APLF: variants seen among roughly 807,000 people sequenced by gnomAD.
The protein encoded by APLF is aprataxin and PNKP like factor, also known as aprataxin and PNK-like factor.
Under a neutral mutation model 55.6 loss-of-function variants are expected in APLF, and 61 were observed. That is an observed-to-expected ratio of 1.10 (90% confidence interval 0.89 to 1.36). The LOEUF (loss-of-function observed/expected upper bound fraction) is 1.36, where lower values mean the gene tolerates loss of function less well. APLF is among the 40% of genes most tolerant of loss of function. The pLI is 0.00. For missense variants in APLF, 611 were observed against 602.5 expected, an observed-to-expected ratio of 1.01 and a Z score of -0.15; for synonymous variants, 207 against 214.8, an observed-to-expected ratio of 0.96 and a Z score of 0.32.
chr2:68,485,216 TC>T (rs1275027432), intron 1 of APLF, among the ~76,000 whole-genome samples: 1 of 152,150 alleles, frequency 6.6e-6, no homozygotes, highest in Non-Finnish European at 1.5e-5. Flanking sequence ...AAAATCAGGA[TC>T]CAGTTAAATT....
At chr2:68,550,852 C>T (rs1670840204) in intron 8 of APLF, among the ~76,000 whole-genome samples, 1 of 152,040 alleles carries the variant, frequency 6.6e-6, no homozygotes, top group Non-Finnish European at 1.5e-5. Flanking sequence ...ATAGTTATAC[C>T]TCTGTACATT....
intron 8 of APLF, among the ~76,000 whole-genome samples, chr2:68,559,059 T>C (rs946965893): frequency 1.7e-4 from 26 of 152,220 alleles, no homozygotes; most frequent in African/African-American, 6.3e-4. Context: ...TAAAGTGTTT[T>C]TAAATTAGCA....
intron 6 of APLF, among the ~76,000 whole-genome samples, chr2:68,532,368 A>G (rs1670282015): frequency 6.6e-6 from 1 of 152,216 alleles, no homozygotes; most frequent in Non-Finnish European, 1.5e-5. Context: ...AAAATCACTT[A>G]TGCCCAACTA....
chr2:68,573,735 C>CATTTAT (rs1671546591), intron 9 of APLF, among the ~76,000 whole-genome samples: 1 of 150,560 alleles, frequency 6.6e-6, no homozygotes, highest in Admixed American at 6.6e-5. Context: ...GTCATGAGTT[C>CATTTAT]ATTTATAACA....
rs70954311 is a variant in APLF at position 68,551,603 on chromosome 2, CT to C, written c.1286+6308del. 6.0e-3 allele frequency among the ~76,000 whole-genome samples: 690 copies of C among 115,734 alleles called. 3 individuals are homozygous for C. Among genetic ancestry groups the C allele is most frequent in the Middle Eastern group, 9.9e-3 (2 of 202 alleles). 75.9% of individuals were successfully genotyped at this position (115,734 alleles called of 152,430 possible). On this transcript the variant is annotated intron_variant, in intron 8 of 9. Coordinates refer to ENST00000303795, the MANE Select transcript of APLF (RefSeq NM_173545.3). ...GGATGTTTATTTAATTCTTCTTCTT[CT>C]TTTTTTTTTTTTTTTTGGCCAATTC... is the stretch of plus-strand genomic sequence containing the variant.
intron 5 of APLF, among the ~76,000 whole-genome samples, chr2:68,518,850 A>G (rs1414313625): frequency 8.7e-5 from 11 of 126,818 alleles, no homozygotes; most frequent in African/African-American, 3.4e-4. Flanking sequence ...GTAATAAAAT[A>G]CTAATATTAT....
At chr2:68,526,946 C>T (rs1033297504) in intron 6 of APLF, among the ~76,000 whole-genome samples, 3 of 152,132 alleles carry the variant, frequency 2.0e-5, no homozygotes, top group Non-Finnish European at 2.9e-5. Context: ...ACTTTAATGT[C>T]GAAAATGCAA....
At chr2:68,516,924 T>TATATAATATATAATATAATATATATA (rs1669597696) in intron 5 of APLF, among the ~76,000 whole-genome samples, 3 of 126,364 alleles carry the variant, frequency 2.4e-5, no homozygotes, top group Admixed American at 9.7e-5. Flanking sequence ...TATAACATTA[T>TATATAATATATAATATAATATATATA]ATATAATATA....
chr2:68,480,890 C>T (rs1021108775), intron 1 of APLF, among the ~76,000 whole-genome samples: 2 of 152,008 alleles, frequency 1.3e-5, no homozygotes, highest in African/African-American at 4.8e-5. Context: ...GTCCTTAATT[C>T]TGTTGATGTG....
chr2:68,516,800 G>C (rs991424778), intron 5 of APLF, among the ~76,000 whole-genome samples: 1 of 144,780 alleles, frequency 6.9e-6, no homozygotes, highest in Non-Finnish European at 1.5e-5. Flanking sequence ...GTATTCCATG[G>C]TGTATTTGTA....
chr2:68,559,391 C>T (rs891732082), intron 8 of APLF, among the ~76,000 whole-genome samples: 11 of 152,070 alleles, frequency 7.2e-5, no homozygotes, highest in Non-Finnish European at 1.0e-4. Flanking sequence ...ATTTCTTAGG[C>T]GAGCTAATTC....
intron 5 of APLF, among the ~76,000 whole-genome samples, chr2:68,515,117 T>C (rs1373589063): frequency 6.6e-6 from 1 of 151,700 alleles, no homozygotes; most frequent in Non-Finnish European, 1.5e-5. Context: ...TAATGGTAGT[T>C]TGGATTATAC....
chr2:68,552,440 A>G (rs912195286), intron 8 of APLF, among the ~76,000 whole-genome samples: 4 of 152,154 alleles, frequency 2.6e-5, no homozygotes, highest in Non-Finnish European at 4.4e-5. Context: ...TTCAGGGAAG[A>G]AAGCAGCCTG....
At chr2:68,527,906 C>G (rs957782725) in intron 6 of APLF, among the ~76,000 whole-genome samples, 5 of 145,850 alleles carry the variant, frequency 3.4e-5, no homozygotes, top group African/African-American at 5.2e-5. Context: ...AGGGTGGCGG[C>G]CTTTCAGAGG....
chr2:68,487,755 A>G (rs955541075), intron 1 of APLF, among the ~76,000 whole-genome samples: 1 of 152,102 alleles, frequency 6.6e-6, no homozygotes, highest in Non-Finnish European at 1.5e-5. Flanking sequence ...ATGATAATTT[A>G]TTAAACCTTT....
intron 6 of APLF, among the ~76,000 whole-genome samples, chr2:68,531,152 A>T (rs1336798830): frequency 6.6e-6 from 1 of 152,222 alleles, no homozygotes; most frequent in Admixed American, 6.5e-5. Flanking sequence ...TGGCTGAAAT[A>T]CGCATTCTGT....
At chr2:68,496,296 GGTT>G (rs992695273) in intron 2 of APLF, among the ~76,000 whole-genome samples, 8 of 152,080 alleles carry the variant, frequency 5.3e-5, no homozygotes, top group African/African-American at 1.9e-4. Context: ...GTGGAGATGG[GGTT>G]TTGCCATGTT....
intron 8 of APLF, among the ~76,000 whole-genome samples, chr2:68,557,091 A>G (rs1671037797): frequency 6.6e-6 from 1 of 152,154 alleles, no homozygotes; most frequent in African/African-American, 2.4e-5. Flanking sequence ...TGTCCCTGGT[A>G]TCTGCAGGGG....
chr2:68,579,026 T>A lies in APLF; in HGVS notation c.*1004T>A, dbSNP rs1009685981. 1.0e-6 allele frequency: 1 copy of A among 985,106 alleles called. No individual in the cohort carries two copies. The highest frequency in any genetic ancestry group is 1.2e-6 in the Non-Finnish European group (1 of 829,640). The allele number at this position is 985,106 out of a possible 1,614,324, so 61.0% of individuals were successfully genotyped here. On this transcript the variant is annotated 3_prime_UTR_variant, in exon 10 of 10. Transcript: ENST00000303795. ...TTAAAATGTAGTTTAGAATCTTTAA[T>A]AACAGTTGGGTTGTGTACACAGAGC...
Sources: gnomAD v4.1 joint callset for allele counts (sites outside exome capture counted in the v4.1 genomes callset) on GRCh38, gnomAD v4.1.1 for gene constraint, MANE v1.5 for transcripts, NCBI Gene and HGNC (gene_info 2026-07-23, HGNC 2026-07-21) for gene names.